The following LARS2 variants were observed in gnomAD, a reference collection of about 807,000 sequenced individuals.
LARS2 encodes leucine--tRNA ligase, mitochondrial.
Under a neutral mutation model 116.6 loss-of-function variants are expected in LARS2, and 81 were observed. That is an observed-to-expected ratio of 0.69 (90% CI 0.58 to 0.84). The LOEUF (loss-of-function observed/expected upper bound fraction) is 0.84, where lower values mean the gene tolerates loss of function less well. LARS2 is among the 40% of genes least tolerant of loss of function. The pLI is 0.00. For synonymous variants in LARS2, 396 were observed against 407.2 expected (o/e 0.97, Z 0.33); for missense variants, 968 against 1,114.5 (o/e 0.87, Z 1.87).
intron 6 of LARS2, among the ~76,000 whole-genome samples, chr3:45,444,841 T>C (rs1388085579): frequency 3.3e-5 from 5 of 151,118 alleles, no homozygotes; most frequent in Admixed American, 1.3e-4. Context: ...TTATGTGTTA[T>C]ATATTTACTA....
chr3:45,415,860 A>AT (rs1553627794), intron 4 of LARS2, among the ~76,000 whole-genome samples: 3,882 of 92,392 alleles, frequency 0.042, 122 homozygotes, highest in Non-Finnish European at 0.055. Context: ...AAAAAAAAAA[A>AT]ATATATATAT....
intron 4 of LARS2, among the ~76,000 whole-genome samples, chr3:45,408,454 C>G (rs1295685857): frequency 6.6e-6 from 1 of 152,244 alleles, no homozygotes; most frequent in Non-Finnish European, 1.5e-5. Context: ...GGTCCTTGAC[C>G]AGCTTGCTGT....
intron 3 of LARS2, 23 bp downstream of exon 3, chr3:45,394,710 A>G (rs780098894): frequency 1.3e-6 from 2 of 1,548,630 alleles, no homozygotes; most frequent in African/African-American, 2.7e-5. Flanking sequence ...AGAGATTCTA[A>G]GAGGGTAGAG....
Position 45,460,343 on chromosome 3 carries a change from T to C in LARS2, c.750+1457T>C, listed in dbSNP as rs115859994. 2.2e-3 allele frequency among the ~76,000 whole-genome samples: 336 copies of C among 152,334 alleles called. 1 individual carries two copies. The highest frequency in any genetic ancestry group is 7.1e-3 in the African/African-American group (294 of 41,574). ...AGTGGGAGCCCCTGTCTGCTGACAG[T>C]TGGGGTCCACTACATTACTGGGAAG... On this transcript the variant is annotated intron_variant, in intron 8 of 21. Coordinates refer to ENST00000645846, the MANE Select transcript of LARS2 (RefSeq NM_015340.4).
chr3:45,470,431 G>A (rs905315749), intron 8 of LARS2, among the ~76,000 whole-genome samples: 1 of 152,064 alleles, frequency 6.6e-6, no homozygotes, highest in African/African-American at 2.4e-5. Context: ...CTTAAACACT[G>A]GCTCATCTTG....
intron 14 of LARS2, among the ~76,000 whole-genome samples, chr3:45,497,906 CAAAA>C (rs891566830): frequency 8.1e-6 from 1 of 123,600 alleles, no homozygotes. Context: ...GACTTCCTCT[CAAAA>C]AAAAAAAAAG....
At chr3:45,410,401 A>G (rs566172904) in intron 4 of LARS2, among the ~76,000 whole-genome samples, 1 of 151,624 alleles carries the variant, frequency 6.6e-6, no homozygotes, top group Non-Finnish European at 1.5e-5. Context: ...TTTGTCATCT[A>G]TGGATCAAGC....
intron 3 of LARS2, among the ~76,000 whole-genome samples, chr3:45,397,192 A>G (rs854193): frequency 0.24 from 37,089 of 152,134 alleles, 5,361 homozygotes; most frequent in African/African-American, 0.4. Context: ...TTATATAATT[A>G]TGAAAATTTC....
At chr3:45,443,111 T>G (rs981988390) in intron 6 of LARS2, among the ~76,000 whole-genome samples, 2 of 152,084 alleles carry the variant, frequency 1.3e-5, no homozygotes, top group Non-Finnish European at 2.9e-5. Context: ...GGGAACAAAA[T>G]TTTCCCGGTT....
intron 21 of LARS2, among the ~76,000 whole-genome samples, chr3:45,543,476 T>A (rs924126646): frequency 6.6e-6 from 1 of 151,062 alleles, no homozygotes; most frequent in Admixed American, 6.6e-5. Flanking sequence ...TTTTTATTTT[T>A]TTTTTTGGTG....
Position 45,516,243 on chromosome 3 carries a change from C to T in LARS2, c.2011C>T (p.Pro671Ser), listed in dbSNP as rs566059383. 8.7e-6 allele frequency: 14 copies of T among 1,613,958 alleles called. No homozygotes were observed. The highest frequency in any genetic ancestry group is 1.6e-4 in the Middle Eastern group (1 of 6,062). Reference protein sequence around the residue: ...TIRLYILFAAPPEKDILWDVK... With the variant: ...TIRLYILFAASPEKDILWDVK... ...TCGGCTCTACATCCTTTTTGCTGCC[C>T]CTCCTGAGAAGGATATCTTGTGGGA... Residue 671 changes from proline (P) to serine (S), a missense_variant, in exon 17 of 22, where the codon CCT becomes TCT. Coordinates refer to ENST00000645846, the MANE Select transcript of LARS2 (RefSeq NM_015340.4).
In LARS2 at chr3:45,474,229, T is replaced by G; in HGVS notation, c.751-14T>G. The G allele has an allele frequency of 6.4e-7, 1 of 1,551,814 alleles. No individual in the cohort carries two copies. Among genetic ancestry groups the G allele is most frequent in the Non-Finnish European group, 8.8e-7 (1 of 1,130,218 alleles). ...TTGTGCCTCTACTTCTTTGTTCTCC[T>G]TTCATTTGCACAGGCCATGCAGGAC... On this transcript the variant is annotated splice_polypyrimidine_tract_variant and intron_variant, in intron 8 of 21. Transcript: ENST00000645846.
At chr3:45,454,199 C>T (rs1330031892) in intron 7 of LARS2, among the ~76,000 whole-genome samples, 1 of 152,054 alleles carries the variant, frequency 6.6e-6, no homozygotes, top group Non-Finnish European at 1.5e-5. Flanking sequence ...CACATGATCC[C>T]CAAGGGAGCC....
At chr3:45,524,642 G>A (rs1256568966) in intron 20 of LARS2, among the ~76,000 whole-genome samples, 1 of 152,174 alleles carries the variant, frequency 6.6e-6, no homozygotes, top group Non-Finnish European at 1.5e-5. Flanking sequence ...CTGGGATTAG[G>A]CCAAGCATAT....
chr3:45,491,031 C>T (rs1330954308), intron 12 of LARS2, among the ~76,000 whole-genome samples: 1 of 152,144 alleles, frequency 6.6e-6, no homozygotes, highest in Non-Finnish European at 1.5e-5. Flanking sequence ...TATTTTCCCC[C>T]CAACAGGGGA....
intron 4 of LARS2, among the ~76,000 whole-genome samples, chr3:45,417,149 G>GTA (rs1383481311): frequency 2.3e-4 from 35 of 150,832 alleles, no homozygotes; most frequent in African/African-American, 6.8e-4. Flanking sequence ...GTGTGTGTGT[G>GTA]TATATATATA....
At chr3:45,490,427 A>G (rs1298407494) in intron 12 of LARS2, among the ~76,000 whole-genome samples, 1 of 152,158 alleles carries the variant, frequency 6.6e-6, no homozygotes, top group Non-Finnish European at 1.5e-5. Context: ...AGAGTAAAAT[A>G]ATTATTTCAA....
intron 20 of LARS2, among the ~76,000 whole-genome samples, chr3:45,526,034 A>G (rs1056839840): frequency 1.3e-5 from 2 of 152,204 alleles, no homozygotes; most frequent in African/African-American, 4.8e-5. Flanking sequence ...TAAGGACTTC[A>G]TGAGTTGAGC....
chr3:45,408,598 G>GA (rs955933136), intron 4 of LARS2, among the ~76,000 whole-genome samples: 3 of 152,202 alleles, frequency 2.0e-5, no homozygotes, highest in African/African-American at 7.2e-5. Context: ...GGAGAGGCCA[G>GA]AAAATTTCTC....
Sources: allele counts gnomAD v4.1 joint callset (sites outside exome capture counted in the v4.1 genomes callset), GRCh38; gene constraint gnomAD v4.1.1; transcripts MANE v1.5; gene names NCBI Gene and HGNC (gene_info 2026-07-23, HGNC 2026-07-21).